The following ARFIP1 variants were observed in gnomAD, a reference collection of about 807,000 sequenced individuals.
ARFIP1 encodes ARF interacting protein 1.
A neutral mutation model predicts 42.5 loss-of-function variants in ARFIP1; 24 were observed. That is an observed-to-expected ratio of 0.57 (90% CI 0.41 to 0.80). ARFIP1 has a LOEUF of 0.80. Among genes scored for constraint, ARFIP1 ranks in the 30% least tolerant of loss-of-function variants. ARFIP1 has a pLI of 0.00. For missense variants in ARFIP1, 354 were observed against 434.0 expected (o/e 0.82, Z 1.64); for synonymous variants, 141 against 153.7 (o/e 0.92, Z 0.61).
chr4:152,818,585 C>T (rs1211686337), intron 1 of ARFIP1, among the ~76,000 whole-genome samples: 1 of 152,178 alleles, frequency 6.6e-6, no homozygotes, highest in African/African-American at 2.4e-5. Context: ...AGGATGAACA[C>T]CTTTGGCCAG....
chr4:152,843,144 G>T (rs185842243), intron 2 of ARFIP1, among the ~76,000 whole-genome samples: 69 of 152,194 alleles, frequency 4.5e-4, no homozygotes, highest in African/African-American at 1.6e-3. Flanking sequence ...ATTTTCCTAT[G>T]GATGTGGCTT....
chr4:152,902,896 A>G lies in ARFIP1; in HGVS notation c.967-7168A>G, dbSNP rs1056623397. On this transcript the variant is annotated intron_variant, in intron 8 of 8. Coordinates refer to ENST00000353617, the MANE Select transcript of ARFIP1 (RefSeq NM_001025595.3). ...CAAGGTCAAATTGCCTGGTAAAGTG[A>G]ACCTGATAAACCAAGTAAGCCAAAT... 2.0e-5 allele frequency among the ~76,000 whole-genome samples: 3 copies of G among 152,220 alleles called. No individual in the cohort carries two copies. The East Asian group carries it at 5.8e-4, about 29-fold the overall frequency.
At chr4:152,807,169 A>G (rs1257625877) in intron 1 of ARFIP1, 1 of 142,664 alleles carries the variant, frequency 7.0e-6, no homozygotes, top group East Asian at 2.0e-4. Context: ...TTGTTTATTC[A>G]TTAACCTAGT....
intron 2 of ARFIP1, among the ~76,000 whole-genome samples, chr4:152,839,497 T>C (rs1731898172): frequency 6.6e-6 from 1 of 152,184 alleles, no homozygotes; most frequent in South Asian, 2.1e-4. Context: ...TTCTTCCTGA[T>C]TTAAGCTAGG....
intron 8 of ARFIP1, among the ~76,000 whole-genome samples, chr4:152,900,752 T>C (rs776774023): frequency 6.6e-6 from 1 of 152,234 alleles, no homozygotes; most frequent in African/African-American, 2.4e-5. Flanking sequence ...TAGAATGGTA[T>C]ATTTTTTAAT....
At chr4:152,834,685 C>T (rs762070894) in intron 2 of ARFIP1, among the ~76,000 whole-genome samples, 1 of 152,232 alleles carries the variant, frequency 6.6e-6, no homozygotes, top group Non-Finnish European at 1.5e-5. Flanking sequence ...TGGCTGCTCT[C>T]ACTGGTTGGA....
At chr4:152,908,891 AGTGT>A (rs58362465) in intron 8 of ARFIP1, among the ~76,000 whole-genome samples, 12,138 of 132,376 alleles carry the variant, frequency 0.092, 552 homozygotes, top group East Asian at 0.14. Flanking sequence ...GCTAGAGAGA[AGTGT>A]GTGTGTGTGT....
chr4:152,804,222 T>TATATAAC (rs1728733035), intron 1 of ARFIP1, among the ~76,000 whole-genome samples: 2 of 48,138 alleles, frequency 4.2e-5, no homozygotes, highest in African/African-American at 5.8e-5. Flanking sequence ...TTATATATAA[T>TATATAAC]ATAACATGTA....
chr4:152,828,538 A>G (rs1187011163), intron 1 of ARFIP1, among the ~76,000 whole-genome samples: 1 of 152,240 alleles, frequency 6.6e-6, no homozygotes, highest in East Asian at 1.9e-4. Context: ...TTGATAAAAC[A>G]TCTGTTCTGA....
chr4:152,892,438 G>A (rs1579023637), intron 8 of ARFIP1, among the ~76,000 whole-genome samples: 3 of 152,172 alleles, frequency 2.0e-5, no homozygotes, highest in Admixed American at 2.0e-4. Flanking sequence ...ACGAGAATAG[G>A]GCATAAAGTA....
intron 2 of ARFIP1, among the ~76,000 whole-genome samples, chr4:152,850,070 G>A (rs554598099): frequency 2.0e-5 from 3 of 152,236 alleles, no homozygotes; most frequent in South Asian, 4.2e-4. Flanking sequence ...GCAAGTATAC[G>A]GAGGGAAAAT....
intron 1 of ARFIP1, among the ~76,000 whole-genome samples, chr4:152,784,078 G>A (rs1454915785): frequency 6.6e-6 from 1 of 152,094 alleles, no homozygotes; most frequent in Middle Eastern, 3.2e-3. Flanking sequence ...GGAAGAAGGA[G>A]TAAATTAAAC....
At chr4:152,876,185 A>G (rs116520552) in intron 5 of ARFIP1, among the ~76,000 whole-genome samples, 2,418 of 152,304 alleles carry the variant, frequency 0.016, 61 homozygotes, top group African/African-American at 0.055. Flanking sequence ...GAACTGGGTA[A>G]CAAGCAGAGA....
At chr4:152,803,171 C>T (rs975892679) in intron 1 of ARFIP1, among the ~76,000 whole-genome samples, 1 of 152,066 alleles carries the variant, frequency 6.6e-6, no homozygotes, top group Non-Finnish European at 1.5e-5. Flanking sequence ...AGACTGTAAG[C>T]AGTTTTATGA....
intron 2 of ARFIP1, among the ~76,000 whole-genome samples, chr4:152,849,078 C>T (rs1444599459): frequency 6.6e-5 from 10 of 152,096 alleles, no homozygotes; most frequent in African/African-American, 2.4e-4. Context: ...TGCTTTTCAG[C>T]TATAGGCTAT....
chr4:152,805,773 A>G (rs1728949247), intron 1 of ARFIP1, among the ~76,000 whole-genome samples: 1 of 152,272 alleles, frequency 6.6e-6, no homozygotes, highest in South Asian at 2.1e-4. Flanking sequence ...GGTAGGTACC[A>G]TTATCATCTT....
intron 1 of ARFIP1, among the ~76,000 whole-genome samples, chr4:152,787,588 G>A (rs1730884223): frequency 6.6e-6 from 1 of 152,256 alleles, no homozygotes; most frequent in Admixed American, 6.5e-5. Context: ...GGGAATGATA[G>A]TGATGTCAAA....
chr4:152,818,893 A>G (rs1403243521), intron 1 of ARFIP1, among the ~76,000 whole-genome samples: 1 of 152,148 alleles, frequency 6.6e-6, no homozygotes, highest in Non-Finnish European at 1.5e-5. Flanking sequence ...CAACAAAAGC[A>G]TGTGCGCTTC....
At chr4:152,904,184 A>G (rs1451462917) in intron 8 of ARFIP1, among the ~76,000 whole-genome samples, 1 of 105,358 alleles carries the variant, frequency 9.5e-6, no homozygotes, top group East Asian at 2.8e-4. Context: ...GTGTGTGTAT[A>G]TATATATATA....
Sources: allele counts gnomAD v4.1 joint callset (sites outside exome capture counted in the v4.1 genomes callset), GRCh38; gene constraint gnomAD v4.1.1; transcripts MANE v1.5; gene names NCBI Gene and HGNC (gene_info 2026-07-23, HGNC 2026-07-21).